Variants in MACROD2 observed in about 807,000 individuals in gnomAD.
MACROD2 encodes the protein ADP-ribose glycohydrolase MACROD2.
Under a neutral mutation model 70.4 loss-of-function variants are expected in MACROD2, and 36 were observed. The observed-to-expected ratio is 0.51, with a 90% confidence interval of 0.39 to 0.68. The LOEUF is 0.68. Ranked by LOEUF, MACROD2 falls within the 30% of genes least tolerant of loss-of-function variation. MACROD2 has a pLI of 0.00. For missense variants in MACROD2, 496 were observed against 538.4 expected (o/e 0.92, Z 0.78); for synonymous variants, 172 against 178.8 (o/e 0.96, Z 0.30).
chr20:14,456,311 G>A (rs1290082073), intron 3 of MACROD2, among the ~76,000 whole-genome samples: 3 of 151,780 alleles, frequency 2.0e-5, no homozygotes, highest in African/African-American at 7.3e-5. Context: ...CTGAAGGTAG[G>A]AATGCCTTAA....
chr20:14,037,245 G>A (rs945827393), intron 2 of MACROD2, among the ~76,000 whole-genome samples: 1 of 152,118 alleles, frequency 6.6e-6, no homozygotes, highest in Admixed American at 6.5e-5. Flanking sequence ...TTGCAATTTT[G>A]TAGAATTTAC....
chr20:15,193,833 A>G (rs115688388), intron 5 of MACROD2, among the ~76,000 whole-genome samples: 3 of 152,184 alleles, frequency 2.0e-5, no homozygotes, highest in South Asian at 4.2e-4. Context: ...CCTGGTGTCT[A>G]TAGTAAAAAG....
intron 5 of MACROD2, among the ~76,000 whole-genome samples, chr20:14,992,007 G>C (rs2074908760): frequency 6.6e-6 from 1 of 152,152 alleles, no homozygotes; most frequent in Admixed American, 6.5e-5. Flanking sequence ...TATTGAGTGG[G>C]TGGTGGGAGG....
intron 8 of MACROD2, among the ~76,000 whole-genome samples, chr20:15,670,281 T>C (rs1483916126): frequency 6.6e-6 from 1 of 152,186 alleles, no homozygotes; most frequent in African/African-American, 2.4e-5. Flanking sequence ...CCAAGAAGGT[T>C]CTGGCTGGCA....
intron 4 of MACROD2, among the ~76,000 whole-genome samples, chr20:14,555,710 G>A (rs1163271023): frequency 2.0e-5 from 3 of 152,002 alleles, no homozygotes; most frequent in Non-Finnish European, 4.4e-5. Context: ...GAGAGGCGTG[G>A]GAAAGGGCAT....
chr20:15,599,264 C>T (rs768179646), intron 8 of MACROD2, among the ~76,000 whole-genome samples: 24 of 151,760 alleles, frequency 1.6e-4, no homozygotes, highest in African/African-American at 2.7e-4. Flanking sequence ...TGGTGGAGCA[C>T]GCCTGTAGTC....
chr20:15,695,936 T>C (rs1042724094), intron 8 of MACROD2, among the ~76,000 whole-genome samples: 4 of 152,214 alleles, frequency 2.6e-5, no homozygotes, highest in Non-Finnish European at 5.9e-5. Flanking sequence ...TTCTAGGAGC[T>C]TTCTGGAGGA....
chr20:15,807,954 C>T (rs370703887), intron 8 of MACROD2, among the ~76,000 whole-genome samples: 4 of 152,166 alleles, frequency 2.6e-5, no homozygotes, highest in South Asian at 4.2e-4. Flanking sequence ...AGTTAAAGAT[C>T]GACCCCTGAC....
At chr20:14,354,089 A>G (rs989642921) in intron 3 of MACROD2, among the ~76,000 whole-genome samples, 1 of 152,190 alleles carries the variant, frequency 6.6e-6, no homozygotes, top group African/African-American at 2.4e-5. Flanking sequence ...CTAATGATCA[A>G]CACTTTGTTG....
At chr20:14,099,587 C>T (rs543729885) in intron 3 of MACROD2, among the ~76,000 whole-genome samples, 19 of 152,058 alleles carry the variant, frequency 1.2e-4, no homozygotes, top group African/African-American at 4.3e-4. Context: ...TGTTGATGAG[C>T]GGCCTTAAGT....
chr20:14,493,444 A>T, intron 3 of MACROD2, 35 bp from the exon 4 acceptor site: 1 of 1,577,114 alleles, frequency 6.3e-7, no homozygotes, highest in Non-Finnish European at 8.7e-7. Context: ...TATACATATT[A>T]TTTAATGTCT....
At chr20:15,242,586 G>C (rs2077069000) in intron 6 of MACROD2, among the ~76,000 whole-genome samples, 1 of 152,104 alleles carries the variant, frequency 6.6e-6, no homozygotes, top group Non-Finnish European at 1.5e-5. Context: ...AGTTTGTGAA[G>C]CATTGGTATT....
chr20:13,996,827 G>C (rs1207205627), intron 1 of MACROD2, among the ~76,000 whole-genome samples: 1 of 152,186 alleles, frequency 6.6e-6, no homozygotes, highest in African/African-American at 2.4e-5. Context: ...AACCTGTATA[G>C]CAAGGGTGAG....
intron 4 of MACROD2, among the ~76,000 whole-genome samples, chr20:14,590,562 A>T (rs1981698096): frequency 6.6e-6 from 1 of 151,920 alleles, no homozygotes; most frequent in Admixed American, 6.6e-5. Flanking sequence ...AGATTTATCC[A>T]TTTTGCATAC....
intron 5 of MACROD2, among the ~76,000 whole-genome samples, chr20:14,953,658 G>A (rs1228101831): frequency 2.0e-5 from 3 of 152,172 alleles, no homozygotes; most frequent in Admixed American, 6.5e-5. Flanking sequence ...CCCATCAGAT[G>A]TGTAGTTGTG....
chr20:14,971,281 A>G (rs1425227158), intron 5 of MACROD2, among the ~76,000 whole-genome samples: 3 of 152,014 alleles, frequency 2.0e-5, no homozygotes, highest in Non-Finnish European at 4.4e-5. Flanking sequence ...CCGTCACCTT[A>G]AGAGGTGAGT....
intron 8 of MACROD2, among the ~76,000 whole-genome samples, chr20:15,678,076 T>C (rs2050094900): frequency 6.6e-6 from 1 of 151,474 alleles, no homozygotes. Flanking sequence ...AAAAAAAATG[T>C]ATTTCAAGTT....
At chr20:15,222,996 A>G (rs2076874767) in intron 5 of MACROD2, among the ~76,000 whole-genome samples, 1 of 152,214 alleles carries the variant, frequency 6.6e-6, no homozygotes, top group Admixed American at 6.5e-5. Flanking sequence ...AAAACCTTAT[A>G]TCCTATCCTC....
chr20:14,508,640 A>G (rs2084995616), intron 4 of MACROD2, among the ~76,000 whole-genome samples: 1 of 152,228 alleles, frequency 6.6e-6, no homozygotes, highest in East Asian at 1.9e-4. Flanking sequence ...GGTAGTAGCA[A>G]TATACCTATG....
Sources: gnomAD v4.1 joint callset for allele counts (sites outside exome capture counted in the v4.1 genomes callset) on GRCh38, gnomAD v4.1.1 for gene constraint, MANE v1.5 for transcripts, NCBI Gene and HGNC (gene_info 2026-07-23, HGNC 2026-07-21) for gene names.